Variants in AFF2 observed in about 807,000 individuals in gnomAD.
AFF2 encodes ALF transcription elongation factor 2.
In AFF2, 14 loss-of-function variants were observed where a neutral mutation model predicts 76.9. The observed-to-expected ratio is 0.18, with a 90% confidence interval of 0.12 to 0.28. AFF2 has a LOEUF of 0.28. AFF2 is among the 10% of genes least tolerant of loss of function. The pLI is 1.00. For missense variants in AFF2, 868 were observed against 1,001.1 expected, an observed-to-expected ratio of 0.87 and a Z score of 1.79; for synonymous variants, 398 against 366.7, an observed-to-expected ratio of 1.09 and a Z score of -0.98.
intron 3 of AFF2, among the ~76,000 whole-genome samples, chrX:148,728,572 G>A (rs1057163446): frequency 5.3e-5 from 6 of 112,419 alleles, no homozygotes; most frequent in African/African-American, 1.9e-4. Context: ...GTAATAAAAA[G>A]CAACTTTTAT....
At chrX:148,934,975 A>G (rs1326939946) in intron 9 of AFF2, among the ~76,000 whole-genome samples, 1 of 111,549 alleles carries the variant, frequency 9.0e-6, no homozygotes, top group Non-Finnish European at 1.9e-5. Flanking sequence ...CTGAATATAC[A>G]TATATGGATG....
At chrX:148,773,542 A>G (rs1206860090) in intron 3 of AFF2, among the ~76,000 whole-genome samples, 1 of 108,547 alleles carries the variant, frequency 9.2e-6, no homozygotes, top group Non-Finnish European at 1.9e-5. Context: ...GAAATATGCA[A>G]AATTTGGGAG....
chrX:148,785,323 A>G (rs184370889), intron 3 of AFF2, among the ~76,000 whole-genome samples: 210 of 112,166 alleles, frequency 1.9e-3, no homozygotes, highest in Non-Finnish European at 3.3e-3. Flanking sequence ...TGCCATTTTC[A>G]GGGTAAGAGA....
In AFF2 at chrX:148,719,226, A is replaced by G. The variant is rs1167986559; in HGVS notation, c.1041+56458A>G. On this transcript the variant is annotated intron_variant, in intron 3 of 20. Coordinates refer to ENST00000370460, the MANE Select transcript of AFF2 (RefSeq NM_002025.4). ...CCAAGCATTTCCGTCCTTCTTCAAGATGAAGGTAGGCAATATGAGTTGGCT... is the reference window on the plus strand; with the variant it reads ...CCAAGCATTTCCGTCCTTCTTCAAGGTGAAGGTAGGCAATATGAGTTGGCT... The G allele has an allele frequency of 4.4e-6, 5 of 1,145,035 alleles. No homozygotes were observed. The African/African-American group carries it at 9.0e-5, about 21-fold the overall frequency. 94.4% of individuals were successfully genotyped at this position (1,145,035 alleles called of 1,213,427 possible).
chrX:148,978,377 A>G lies in AFF2; in HGVS notation c.3492A>G (p.Ser1164=). The change falls in exon 18 of 21, where the codon TCA becomes TCG. Residue 1164 remains serine, a synonymous_variant. Coordinates refer to ENST00000370460, the MANE Select transcript of AFF2 (RefSeq NM_002025.4). ...ATCACCACAGCTACCGATGTTTATC[A>G]CTCCTCTATTTGAGAATGTTTAAGC... is the stretch of plus-strand genomic sequence containing the variant. The part of the protein sequence containing the change: ...KLAVLCYRCL[S]LLYLRMFKLK... 8.3e-7 allele frequency: 1 copy of G among 1,201,806 alleles called. No individual in the cohort carries two copies. Among genetic ancestry groups the G allele is most frequent in the Non-Finnish European group, 1.1e-6 (1 of 886,710 alleles).
intron 4 of AFF2, among the ~76,000 whole-genome samples, chrX:148,820,506 G>T (rs1394486650): frequency 9.0e-6 from 1 of 111,678 alleles, no homozygotes; most frequent in African/African-American, 3.2e-5. Context: ...TTAAAAAGAT[G>T]GCTTTGCCGG....
chrX:148,895,256 G>T (rs1247993277), intron 8 of AFF2, among the ~76,000 whole-genome samples: 4 of 111,159 alleles, frequency 3.6e-5, no homozygotes, highest in Non-Finnish European at 5.7e-5. Flanking sequence ...GCTAGCAGGG[G>T]TATTGTGCTT....
intron 1 of AFF2, among the ~76,000 whole-genome samples, chrX:148,606,277 G>A (rs1444243076): frequency 5.3e-5 from 6 of 112,169 alleles, no homozygotes; most frequent in African/African-American, 1.6e-4. Context: ...TAAATGCAAT[G>A]TAGAATCCAA....
At chrX:148,825,748 T>A (rs1557272919) in intron 4 of AFF2, among the ~76,000 whole-genome samples, 1 of 89,564 alleles carries the variant, frequency 1.1e-5, no homozygotes, top group African/African-American at 4.7e-5. Context: ...CTGACCAGGG[T>A]TTTTTTTTTT....
intron 3 of AFF2, among the ~76,000 whole-genome samples, chrX:148,767,565 A>G (rs1310849218): frequency 1.8e-5 from 2 of 112,324 alleles, no homozygotes; most frequent in African/African-American, 6.5e-5. Context: ...CCTAAAGCTC[A>G]GTCTTAAGAC....
intron 1 of AFF2, among the ~76,000 whole-genome samples, chrX:148,521,374 G>GCGCACACA (rs1428070939): frequency 2.2e-5 from 2 of 90,921 alleles, no homozygotes; most frequent in African/African-American, 8.5e-5. Context: ...GCACGTGCAT[G>GCGCACACA]CACACACACA....
chrX:148,746,966 TA>T (rs2055427649), intron 3 of AFF2, among the ~76,000 whole-genome samples: 1 of 112,203 alleles, frequency 8.9e-6, no homozygotes, highest in Admixed American at 9.4e-5. Flanking sequence ...GGCAGAGAGG[TA>T]GATGGACTGG....
intron 7 of AFF2, among the ~76,000 whole-genome samples, chrX:148,857,503 A>G (rs2070799836): frequency 8.9e-6 from 1 of 111,938 alleles, no homozygotes; most frequent in Non-Finnish European, 1.9e-5. Flanking sequence ...ACTTTATAAA[A>G]TAGAATTAAA....
chrX:148,656,919 T>C (rs1252502624), intron 2 of AFF2, among the ~76,000 whole-genome samples: 2 of 112,274 alleles, frequency 1.8e-5, no homozygotes, highest in African/African-American at 6.5e-5. Context: ...GGAAGTTATT[T>C]ATCCTCTGAC....
intron 1 of AFF2, among the ~76,000 whole-genome samples, chrX:148,576,821 CAG>C (rs1384775741): frequency 4.1e-5 from 4 of 98,407 alleles, no homozygotes; most frequent in Non-Finnish European, 8.1e-5. Flanking sequence ...GTGTGTGAGA[CAG>C]AGAAAAACTA....
intron 5 of AFF2, among the ~76,000 whole-genome samples, chrX:148,842,198 G>A (rs1473009963): frequency 1.8e-5 from 2 of 112,100 alleles, no homozygotes; most frequent in Non-Finnish European, 3.8e-5. Context: ...ACAGTGCCAT[G>A]TGTGCCCTGA....
chrX:148,827,670 T>C (rs1213470096), intron 4 of AFF2, among the ~76,000 whole-genome samples: 4 of 112,193 alleles, frequency 3.6e-5, no homozygotes, highest in Admixed American at 2.8e-4. Context: ...TTGATGGGCT[T>C]ATTTTATTTC....
chrX:148,515,266 C>T (rs1456703109), intron 1 of AFF2, among the ~76,000 whole-genome samples: 3 of 111,856 alleles, frequency 2.7e-5, no homozygotes, highest in African/African-American at 9.8e-5. Context: ...ACTGTCGTTG[C>T]TAATGTAGAC....
At chrX:148,886,488 A>G (rs1455971729) in intron 8 of AFF2, among the ~76,000 whole-genome samples, 1 of 112,305 alleles carries the variant, frequency 8.9e-6, no homozygotes, top group Non-Finnish European at 1.9e-5. Context: ...GACATTTGGC[A>G]AAAACTTGTG....
Sources: allele counts gnomAD v4.1 joint callset (sites outside exome capture counted in the v4.1 genomes callset), GRCh38; gene constraint gnomAD v4.1.1; transcripts MANE v1.5; gene names NCBI Gene and HGNC (gene_info 2026-07-23, HGNC 2026-07-21).